The following PRKAR1A variants were observed in gnomAD, a reference collection of about 807,000 sequenced individuals.
PRKAR1A encodes the protein protein kinase cAMP-dependent type I regulatory subunit alpha, also known as cAMP-dependent protein kinase type I-alpha regulatory subunit.
Under a neutral mutation model 52.0 loss-of-function variants are expected in PRKAR1A, and 3 were observed. The observed-to-expected ratio is 0.06, with a 90% CI of 0.03 to 0.15. The LOEUF (loss-of-function observed/expected upper bound fraction) is 0.15. Ranked by LOEUF, PRKAR1A falls within the 10% of genes least tolerant of loss-of-function variation. The pLI is 1.00. For missense variants in PRKAR1A, 240 were observed against 477.4 expected (o/e 0.50, Z 4.63); for synonymous variants, 188 against 168.4 (o/e 1.12, Z -0.90).
In PRKAR1A at chr17:68,522,902, A is replaced by G. The variant is rs1355628546; in HGVS notation, c.324A>G (p.Glu108=). The change falls in exon 3 of 11, where the codon GAA becomes GAG. Residue 108 remains glutamate, a synonymous_variant. Transcript: ENST00000589228. The part of the protein sequence containing the change: ...GAISAEVYTE[E]DAASYVRKVI... ...TCAGCGCTGAGGTCTACACGGAGGA[A>G]GATGCGGCATCCTATGTTAGAAAGG... 6.2e-7 allele frequency: 1 copy of G among 1,613,810 alleles called. No homozygotes were observed.
chr17:68,500,322 G>C, the PRKAR1A span, among the ~76,000 whole-genome samples: 1 of 152,144 alleles, frequency 6.6e-6, no homozygotes, highest in Admixed American at 6.5e-5. Context: ...TTGAGGTAGT[G>C]AATAAGTCTC....
At chr17:68,428,991 C>T in the PRKAR1A span, 8 of 1,387,860 alleles carry the variant, frequency 5.8e-6, no homozygotes, top group East Asian at 2.3e-5. Context: ...GCGATGGATT[C>T]GCTTCCAATG....
At chr17:68,539,793 A>T in intron 11 of PRKAR1A, 1 of 1,231,348 alleles carries the variant, frequency 8.1e-7, no homozygotes, top group East Asian at 2.4e-5. Flanking sequence ...GGAGGCCCTC[A>T]TTTGCAGGGC....
chr17:68,458,170 C>A, the PRKAR1A span, among the ~76,000 whole-genome samples: 1 of 152,164 alleles, frequency 6.6e-6, no homozygotes, highest in East Asian at 1.9e-4. Context: ...CATTGCCGAG[C>A]GGTTGAGAAC....
chr17:68,467,614 G>A, the PRKAR1A span, among the ~76,000 whole-genome samples: 1 of 152,048 alleles, frequency 6.6e-6, no homozygotes, highest in African/African-American at 2.4e-5. Context: ...CTCATTCTGG[G>A]TCACACTCTT....
At chr17:68,440,885 C>A in the PRKAR1A span, 1 of 152,194 alleles carries the variant, frequency 6.6e-6, no homozygotes, top group Non-Finnish European at 1.5e-5. Flanking sequence ...TCTCAGGTTA[C>A]GCTTTCCGAT....
the PRKAR1A span, chr17:68,422,856 T>G: frequency 6.6e-6 from 1 of 152,128 alleles, no homozygotes; most frequent in Non-Finnish European, 1.5e-5. Context: ...GTTGGCTTGT[T>G]CCTGAAACAA....
At chr17:68,496,565 C>T in the PRKAR1A span, among the ~76,000 whole-genome samples, 1 of 152,146 alleles carries the variant, frequency 6.6e-6, no homozygotes. Flanking sequence ...TGTAACACTT[C>T]AACATGTTTT....
At chr17:68,515,752 A>G (rs1828758000) in intron 2 of PRKAR1A, 176 bp downstream of exon 2, 4 of 786,024 alleles carry the variant, frequency 5.1e-6, no homozygotes, top group East Asian at 2.8e-5. Context: ...AAAATTCTTA[A>G]TTAGTAGAAT....
chr17:68,509,282 G>T (rs1216479184), upstream of PRKAR1A, among the ~76,000 whole-genome samples: 2 of 152,140 alleles, frequency 1.3e-5, no homozygotes, highest in Non-Finnish European at 2.9e-5. Flanking sequence ...GACCTCCTGG[G>T]CTAAAGCAAT....
chr17:68,431,839 G>A, the PRKAR1A span, among the ~76,000 whole-genome samples: 1,170 of 152,366 alleles, frequency 7.7e-3, 18 homozygotes, highest in African/African-American at 0.027. Context: ...AGACAGAAAC[G>A]GGAGAGCCTG....
At chr17:68,541,231 AAGG>A (rs1403687573) in intron 11 of PRKAR1A, 6 of 458,368 alleles carry the variant, frequency 1.3e-5, no homozygotes, top group Admixed American at 6.8e-5. Context: ...GCAGGCAGGA[AAGG>A]AGGAGGTAGT....
the PRKAR1A span, among the ~76,000 whole-genome samples, chr17:68,472,133 G>A: frequency 0.011 from 1,618 of 152,206 alleles, 12 homozygotes; most frequent in Admixed American, 0.02. Flanking sequence ...TAGGAGTGAG[G>A]AGGTGTGGTT....
chr17:68,418,308 T>C, the PRKAR1A span, among the ~76,000 whole-genome samples: 1 of 152,322 alleles, frequency 6.6e-6, no homozygotes, highest in Non-Finnish European at 1.5e-5. Context: ...TTCAGATTTT[T>C]CCCTTGATCT....
chr17:68,479,253 A>G, the PRKAR1A span, among the ~76,000 whole-genome samples: 1 of 152,050 alleles, frequency 6.6e-6, no homozygotes, highest in Non-Finnish European at 1.5e-5. Context: ...CTTGTGTTTT[A>G]TTCCTTCATC....
At chr17:68,420,485 AG>A in the PRKAR1A span, 2 of 1,601,324 alleles carry the variant, frequency 1.2e-6, no homozygotes, top group Admixed American at 3.4e-5. Context: ...TTATTCCACG[AG>A]GAGGAGTACC....
Position 68,532,775 on chromosome 17 carries a change from TCAGTTTTTC to T in PRKAR1A, c.*2327_*2335del. ...GAAATAATTTAAATTCTTAAATGAA[TCAGTTTTTC>T]TTCCCTTTCTCCTTTCCGTCTTTCC... On this transcript the variant is annotated 3_prime_UTR_variant, in exon 11 of 11. Coordinates refer to ENST00000589228, the MANE Select transcript of PRKAR1A (RefSeq NM_002734.5). 9.4e-7 allele frequency: 1 copy of T among 1,066,492 alleles called. No individual in the cohort carries two copies. Among genetic ancestry groups the T allele is most frequent in the Non-Finnish European group, 1.1e-6 (1 of 879,754 alleles). 66.1% of individuals were successfully genotyped at this position (1,066,492 alleles called of 1,614,324 possible). A position where few individuals can be genotyped will look rare whatever the true frequency, so the allele number is the denominator to read the frequency against.
At chr17:68,430,875 G>C in the PRKAR1A span, among the ~76,000 whole-genome samples, 1 of 152,212 alleles carries the variant, frequency 6.6e-6, no homozygotes, top group Non-Finnish European at 1.5e-5. Flanking sequence ...GAGGCTGCTT[G>C]TCTGCAGGAT....
chr17:68,529,885 TG>T, intron 9 of PRKAR1A, 34 bp from the exon 10 acceptor site: 2 of 1,553,414 alleles, frequency 1.3e-6, no homozygotes, highest in Admixed American at 3.6e-5. Flanking sequence ...TTTGAGAGTG[TG>T]TGTTTGTTTA....
Sources: allele counts gnomAD v4.1 joint callset (sites outside exome capture counted in the v4.1 genomes callset), GRCh38; gene constraint gnomAD v4.1.1; transcripts MANE v1.5; gene names NCBI Gene and HGNC (gene_info 2026-07-23, HGNC 2026-07-21).